The following PTPN11 variants were observed in gnomAD, a reference collection of about 807,000 sequenced individuals.
PTPN11 encodes the protein protein tyrosine phosphatase non-receptor type 11, also known as tyrosine-protein phosphatase non-receptor type 11.
A neutral mutation model predicts 78.8 loss-of-function variants in PTPN11; 6 were observed. The observed-to-expected ratio is 0.08, with a 90% CI of 0.04 to 0.15. The LOEUF (loss-of-function observed/expected upper bound fraction) is 0.15, where lower values mean the gene tolerates loss of function less well. Ranked by LOEUF, PTPN11 falls within the 10% of genes least tolerant of loss-of-function variation. The probability of loss-of-function intolerance (pLI) is 1.00; values close to 1 mark genes in which losing one functional copy is unlikely to be tolerated. For missense variants in PTPN11, 386 were observed against 744.8 expected, an observed-to-expected ratio of 0.52 and a Z score of 5.61; for synonymous variants, 221 against 263.5, an observed-to-expected ratio of 0.84 and a Z score of 1.56.
chr12:112,431,545 A>G (rs1185306536), intron 1 of PTPN11, among the ~76,000 whole-genome samples: 1 of 152,106 alleles, frequency 6.6e-6, no homozygotes, highest in African/African-American at 2.4e-5. Flanking sequence ...TTGAGAAGGT[A>G]GGATGGGGGA....
intron 1 of PTPN11, among the ~76,000 whole-genome samples, chr12:112,428,355 TTATGC>T (rs2037655589): frequency 6.6e-6 from 1 of 151,684 alleles, no homozygotes; most frequent in Non-Finnish European, 1.5e-5. Flanking sequence ...TTGTGTCAAA[TTATGC>T]TAGGTGTGAG....
At chr12:112,489,296 C>A in intron 13 of PTPN11, 121 bp downstream of exon 13, 1 of 1,196,836 alleles carries the variant, frequency 8.4e-7, no homozygotes, top group Non-Finnish European at 1.2e-6. Flanking sequence ...GAATGGGAAA[C>A]AAACTCCCAA....
At chr12:112,487,600 A>G (rs891389944) in intron 11 of PTPN11, among the ~76,000 whole-genome samples, 1 of 152,114 alleles carries the variant, frequency 6.6e-6, no homozygotes, top group Non-Finnish European at 1.5e-5. Context: ...TCATGATTAT[A>G]CTGGGGAATA....
At chr12:112,476,348 T>C (rs2038502474) in intron 7 of PTPN11, among the ~76,000 whole-genome samples, 1 of 152,226 alleles carries the variant, frequency 6.6e-6, no homozygotes, top group African/African-American at 2.4e-5. Context: ...GTCTTACTAA[T>C]TCCCATTGCA....
At chr12:112,468,959 G>C (rs1417224175) in intron 6 of PTPN11, among the ~76,000 whole-genome samples, 1 of 152,174 alleles carries the variant, frequency 6.6e-6, no homozygotes, top group East Asian at 1.9e-4. Flanking sequence ...AGCCACTCAA[G>C]AGGCTGAGGT....
Position 112,467,211 on chromosome 12 carries a change from AC to A in PTPN11, c.757-5732del, listed in dbSNP as rs2038342555. On this transcript the variant is annotated intron_variant, in intron 6 of 15. Coordinates refer to ENST00000351677, the MANE Select transcript of PTPN11 (RefSeq NM_002834.5). ...GTAGTGCCGTTGGGTACTCACATGT[AC>A]AACATGGATCAGGACATTGACTTTC... Among the ~76,000 whole-genome samples, 3 of 152,330 alleles carry A rather than the reference AC, an allele frequency of 2.0e-5. No individual in the cohort carries two copies. In the South Asian group the frequency reaches 6.2e-4, roughly 32 times the overall value.
chr12:112,437,960 G>A (rs755007522), intron 1 of PTPN11, among the ~76,000 whole-genome samples: 1 of 151,996 alleles, frequency 6.6e-6, no homozygotes, highest in Non-Finnish European at 1.5e-5. Flanking sequence ...AAAATTACAC[G>A]TTTGTTCTAG....
At chr12:112,474,648 T>C (rs890631343) in intron 7 of PTPN11, among the ~76,000 whole-genome samples, 3 of 152,000 alleles carry the variant, frequency 2.0e-5, no homozygotes. Flanking sequence ...AGGGTCTTAC[T>C]CTGTTGCCCA....
Position 112,486,607 on chromosome 12 carries a change from G to T in PTPN11, c.1357G>T (p.Gly453Trp). 1 of 1,613,134 alleles carries T rather than the reference G, an allele frequency of 6.2e-7. No individual in the cohort carries two copies. Among genetic ancestry groups the T allele is most frequent in the South Asian group, 1.1e-5 (1 of 91,030 alleles). ...HHKQESIMDA[G>W]PVVVHCSAGI... ...TAAGCAGGAGAGCATCATGGATGCA[G>T]GGCCGGTCGTGGTGCACTGCAGGTG... Residue 453 changes from glycine (G) to tryptophan (W), a missense_variant, in exon 11 of 16, where the codon GGG (glycine) becomes TGG (tryptophan). This residue lies in a region of PTPN11 where 63 missense variants were observed against 182.2 expected (regional missense o/e 0.35). Coordinates refer to ENST00000351677, the MANE Select transcript of PTPN11 (RefSeq NM_002834.5).
chr12:112,488,984 C>T (rs368816519), intron 12 of PTPN11, 40 bp from the exon 13 acceptor site: 3 of 1,611,370 alleles, frequency 1.9e-6, no homozygotes, highest in Non-Finnish European at 2.5e-6. Context: ...CATCCTGGCT[C>T]TGCAGTTTCT....
intron 12 of PTPN11, 28 bp from the exon 13 acceptor site, chr12:112,488,996 T>G: frequency 6.2e-7 from 1 of 1,612,330 alleles, no homozygotes; most frequent in South Asian, 1.1e-5. Context: ...GCAGTTTCTC[T>G]TTATTCTTCA....
chr12:112,497,171 C>CAAAAAAAAAAAAA (rs59581934), intron 13 of PTPN11, among the ~76,000 whole-genome samples: 1 of 73,576 alleles, frequency 1.4e-5, no homozygotes, highest in Non-Finnish European at 3.2e-5. Context: ...GACTCTGTCT[C>CAAAAAAAAAAAAA]AAAAAAAAAA....
At position 112,482,032 on chromosome 12, in the gene PTPN11, G is replaced by C; in HGVS notation, c.1093-42G>C. On this transcript the variant is annotated intron_variant, in intron 9 of 15. Coordinates refer to ENST00000351677, the MANE Select transcript of PTPN11 (RefSeq NM_002834.5). The surrounding 1 kb of genome is among the most constrained non-coding windows in gnomAD (Gnocchi z 4.4). ...GTTGCTTGTTTAGGCTTTTATTTCA[G>C]AGTTCACAGAATTAACTTTCTTTTT... The C allele has an allele frequency of 6.6e-7, 1 of 1,524,772 alleles. No individual in the cohort carries two copies. The highest frequency in any genetic ancestry group is 9.1e-7 in the Non-Finnish European group (1 of 1,100,768). The allele number at this position is 1,524,772 out of a possible 1,614,324, so 94.5% of individuals were successfully genotyped here.
intron 2 of PTPN11, among the ~76,000 whole-genome samples, chr12:112,449,178 TG>T (rs1322581593): frequency 1.4e-5 from 2 of 147,966 alleles, no homozygotes; most frequent in East Asian, 4.3e-4. Context: ...TGAGCCACCA[TG>T]CCTGGCCATC....
At chr12:112,442,942 C>T (rs922572390) in intron 1 of PTPN11, among the ~76,000 whole-genome samples, 6 of 130,346 alleles carry the variant, frequency 4.6e-5, no homozygotes, top group Admixed American at 8.2e-5. Flanking sequence ...AAATACATAT[C>T]TACATATAAA....
At chr12:112,441,781 T>C (rs534042008) in intron 1 of PTPN11, among the ~76,000 whole-genome samples, 36 of 151,852 alleles carry the variant, frequency 2.4e-4, no homozygotes, top group African/African-American at 8.7e-4. Context: ...ATGAAGAATA[T>C]CTTTTTTTTT....
rs183450083 is a variant in PTPN11, at chr12:112,508,017, C to T, written c.*2225C>T. ...CGCATTGTTACATCGACTCATTCTC[C>T]ATTTTGCTTTGGTTTTGTCTTGACT... On this transcript the variant is annotated 3_prime_UTR_variant, in exon 16 of 16. Coordinates refer to ENST00000351677, the MANE Select transcript of PTPN11 (RefSeq NM_002834.5). The T allele has an allele frequency of 6.5e-6, 1 of 152,770 alleles. No homozygotes were observed. Among genetic ancestry groups the T allele is most frequent in the East Asian group, 1.9e-4 (1 of 5,190 alleles). 9.5% of individuals were successfully genotyped at this position (152,770 alleles called of 1,614,324 possible). A position where few individuals can be genotyped will look rare whatever the true frequency, so the allele number is the denominator to read the frequency against.
Position 112,506,996 on chromosome 12 carries a change from T to G in PTPN11, c.*1204T>G. 1 of 250,838 alleles carries G rather than the reference T, an allele frequency of 4.0e-6. No homozygotes were observed. The highest frequency in any genetic ancestry group is 8.0e-6 in the Non-Finnish European group (1 of 124,562). 15.5% of individuals were successfully genotyped at this position (250,838 alleles called of 1,614,324 possible). A position where few individuals can be genotyped will look rare whatever the true frequency, so the allele number is the denominator to read the frequency against. On this transcript the variant is annotated 3_prime_UTR_variant, in exon 16 of 16. Transcript: ENST00000351677. Reference sequence around the variant, plus strand: ...TGATGATGATGATGATGATGATGGTTTTTTCTAATCAGAAGAAAGCTGGGG... The same window carrying G: ...TGATGATGATGATGATGATGATGGTGTTTTCTAATCAGAAGAAAGCTGGGG...
At chr12:112,467,548 G>C (rs2038349974) in intron 6 of PTPN11, among the ~76,000 whole-genome samples, 1 of 152,158 alleles carries the variant, frequency 6.6e-6, no homozygotes, top group Non-Finnish European at 1.5e-5. Context: ...AGCCTGGAGT[G>C]CAGTGGCGTG....
Sources: allele counts gnomAD v4.1 joint callset (sites outside exome capture counted in the v4.1 genomes callset), GRCh38; gene constraint gnomAD v4.1.1; regional missense constraint gnomAD v4.1.1; non-coding constraint Gnocchi (gnomAD v3.1); transcripts MANE v1.5; gene names NCBI Gene and HGNC (gene_info 2026-07-23, HGNC 2026-07-21).